ODAD3: variants seen among roughly 807,000 people sequenced by gnomAD.
ODAD3 encodes outer dynein arm docking complex subunit 3.
Under a neutral mutation model 70.9 loss-of-function variants are expected in ODAD3, and 57 were observed. That is an observed-to-expected ratio of 0.80 (90% CI 0.65 to 1.00). The LOEUF (loss-of-function observed/expected upper bound fraction) is 1.00, where lower values mean the gene tolerates loss of function less well. Ranked by LOEUF, ODAD3 falls within the 50% of genes least tolerant of loss-of-function variation. ODAD3 has a pLI of 0.00. For missense variants in ODAD3, 797 were observed against 763.9 expected (o/e 1.04, Z -0.51); for synonymous variants, 327 against 315.9 (o/e 1.04, Z -0.37).
In ODAD3 at chr19:11,426,956, G is replaced by A; in HGVS notation, c.529C>T (p.Arg177Trp). The A allele has an allele frequency of 5.0e-6, 8 of 1,608,592 alleles. No homozygotes were observed. The highest frequency in any genetic ancestry group is 6.8e-6 in the Non-Finnish European group (8 of 1,179,546). Residue 177 changes from arginine (R) to tryptophan (W), a missense_variant, in exon 4 of 13, where the codon CGG (arginine) becomes TGG (tryptophan). Transcript: ENST00000356392. ...LRHQVVLRQR[R>W]LEELQLQHSL... Reference sequence around the variant, plus strand: ...TGCTGCAGCTGGAGCTCCTCCAGCCGCCTCTGCCGCAACACCACCTGGTGC... The same window carrying A: ...TGCTGCAGCTGGAGCTCCTCCAGCCACCTCTGCCGCAACACCACCTGGTGC...
At chr19:11,421,910 T>G in intron 10 of ODAD3, 78 bp from the exon 11 acceptor site, 1 of 1,501,962 alleles carries the variant, frequency 6.7e-7, no homozygotes, top group Non-Finnish European at 8.9e-7. Flanking sequence ...GGGGCTTTTC[T>G]TTCGGGGGCG....
At chr19:11,430,360 A>G (rs967019582) in intron 3 of ODAD3, among the ~76,000 whole-genome samples, 5 of 149,984 alleles carry the variant, frequency 3.3e-5, no homozygotes, top group African/African-American at 9.8e-5. Flanking sequence ...TTGGTCTTGA[A>G]CTCCCGACTT....
chr19:11,425,215 GTATA>G (rs1167411713), intron 7 of ODAD3, among the ~76,000 whole-genome samples: 1 of 125,820 alleles, frequency 7.9e-6, no homozygotes, highest in Non-Finnish European at 1.6e-5. Flanking sequence ...GTACATATGT[GTATA>G]TATGTGTGTA....
In ODAD3 at chr19:11,426,585, G is replaced by T; in HGVS notation, c.715-14C>A. On this transcript the variant is annotated splice_polypyrimidine_tract_variant and intron_variant, in intron 5 of 12. Coordinates refer to ENST00000356392, the MANE Select transcript of ODAD3 (RefSeq NM_145045.5). ...GAGGCTCTCGTCCTGGGGCGTGGTG[G>T]GGAGGGGTAGCGGAGATGGTGCAGG... 6.2e-7 allele frequency: 1 copy of T among 1,614,006 alleles called. No homozygotes were observed. The highest frequency in any genetic ancestry group is 8.5e-7 in the Non-Finnish European group (1 of 1,179,960).
intron 7 of ODAD3, among the ~76,000 whole-genome samples, chr19:11,425,608 T>TATATGCATACATGCATATAC (rs1969344805): frequency 3.8e-5 from 5 of 132,544 alleles, no homozygotes; most frequent in African/African-American, 1.9e-4. Context: ...TATATGTGTG[T>TATATGCATACATGCATATAC]GTATATATGC....
chr19:11,424,681 A>G (rs62131151), intron 7 of ODAD3, among the ~76,000 whole-genome samples: 5 of 64,498 alleles, frequency 7.8e-5, no homozygotes, highest in East Asian at 4.8e-4. Context: ...ATGTGTATAT[A>G]TACCTATGTG....
rs1969342214 is a variant in ODAD3 at position 11,425,587 on chromosome 19, G to GCA, written c.963+556_963+557insTG. On this transcript the variant is annotated intron_variant, in intron 7 of 12. Transcript: ENST00000356392. ...TGTGTGTATGTATGTATATATGTAT[G>GCA]TATATGTGTATATATGTGTGTGTAT... 3.2e-5 allele frequency among the ~76,000 whole-genome samples: 4 copies of GCA among 125,492 alleles called. 1 individual carries two copies. The highest frequency in any genetic ancestry group is 1.3e-4 in the African/African-American group (3 of 22,824). The allele number at this position is 125,492 out of a possible 152,430, so 82.3% of individuals were successfully genotyped here. A position where few individuals can be genotyped will look rare whatever the true frequency, so the allele number is the denominator to read the frequency against.
chr19:11,431,015 C>G lies in ODAD3; in HGVS notation c.250G>C (p.Asp84His), dbSNP rs148235598. ...GAGCTCTCAAAAAAAGCCTTCCGGT[C>G]ACCCTCTGGCAGGCAGGTGAGGTGG... Reference protein sequence around the residue: ...LHKKIQLLEGDRKAFFESSQW... With the variant: ...LHKKIQLLEGHRKAFFESSQW... The change falls in exon 2 of 13, where the codon GAC becomes CAC. Residue 84 changes from aspartate to histidine, a missense_variant. Physicochemically the swap from Asp to His is moderately conservative, Grantham distance 81. Coordinates refer to ENST00000356392, the MANE Select transcript of ODAD3 (RefSeq NM_145045.5). The G allele has an allele frequency of 1.4e-5, 23 of 1,614,088 alleles. No individual in the cohort carries two copies. In the African/African-American group the frequency reaches 2.5e-4, roughly 18 times the overall value.
intron 7 of ODAD3, among the ~76,000 whole-genome samples, chr19:11,425,237 A>G (rs1312785833): frequency 2.2e-5 from 3 of 137,408 alleles, no homozygotes; most frequent in Admixed American, 1.4e-4. Context: ...GTATATGTAC[A>G]TATGTGTATA....
rs774347087 is a variant in ODAD3, at chr19:11,423,961, C to T, written c.1032G>A (p.Glu344=). Residue 344 remains glutamate (E), a synonymous_variant, in exon 8 of 13, where the codon GAG becomes GAA. Coordinates refer to ENST00000356392, the MANE Select transcript of ODAD3 (RefSeq NM_145045.5). ...ACATGCTCCAGCGCTGCCGCAGCTC[C>T]TCCTCCTTGGCATGCAGGCTGTCCT... ...TIQDSLHAKE[E]ELRQRWSMYQ... is the part of the protein sequence containing the mutation. 2.0e-5 allele frequency: 33 copies of T among 1,613,260 alleles called. No homozygotes were observed. In the African/African-American group the frequency reaches 2.9e-4, roughly 14 times the overall value.
chr19:11,426,492 A>T lies in ODAD3; in HGVS notation c.794T>A (p.Leu265Gln). Residue 265 changes from leucine to glutamine, a missense_variant, in exon 6 of 13, where the codon CTG becomes CAG. Transcript: ENST00000356392. ...VVRTKHELEALHVVNQEALNA... is the reference protein window; with the variant it reads ...VVRTKHELEAQHVVNQEALNA... ...GAGGGCCTCTTGGTTCACCACGTGC[A>T]GTGCCTCCAGCTCATGTTTGGTCCT... 2 of 1,614,086 alleles carry T rather than the reference A, an allele frequency of 1.2e-6. No homozygotes were observed. The highest frequency in any genetic ancestry group is 1.7e-6 in the Non-Finnish European group (2 of 1,179,972).
At chr19:11,425,056 T>TAC (rs1969262900) in intron 7 of ODAD3, among the ~76,000 whole-genome samples, 18 of 121,064 alleles carry the variant, frequency 1.5e-4, no homozygotes, top group East Asian at 7.3e-4. Flanking sequence ...TATATATGTG[T>TAC]ATATGTGTAT....
At chr19:11,425,330 T>TATGTGTATGTATGTAC (rs1969306173) in intron 7 of ODAD3, among the ~76,000 whole-genome samples, 2 of 128,832 alleles carry the variant, frequency 1.6e-5, no homozygotes, top group African/African-American at 6.9e-5. Context: ...TATATGTACA[T>TATGTGTATGTATGTAC]ATGTGTATAT....
chr19:11,426,708 T>C lies in ODAD3; in HGVS notation c.689A>G (p.Tyr230Cys). The change falls in exon 5 of 13, where the codon TAC (tyrosine) becomes TGC (cysteine). Residue 230 changes from tyrosine (Y) to cysteine (C), a missense_variant. Transcript: ENST00000356392. Reference sequence around the variant, plus strand: ...CATTAGATAGGCCTTGAGCTGCAGGTACACGCTGGTAATGTGCTCGGCCTC... The same window carrying C: ...CATTAGATAGGCCTTGAGCTGCAGGCACACGCTGGTAATGTGCTCGGCCTC... ...AQEAEHITSVYLQLKAYLMDE... is the reference protein window; with the variant it reads ...AQEAEHITSVCLQLKAYLMDE... The C allele has an allele frequency of 4.3e-6, 7 of 1,613,886 alleles. No individual in the cohort carries two copies. Among genetic ancestry groups the C allele is most frequent in the Non-Finnish European group, 5.1e-6 (6 of 1,179,882 alleles).
At chr19:11,426,102 G>C (rs765937895) in intron 7 of ODAD3, 42 bp downstream of exon 7, 1 of 1,590,354 alleles carries the variant, frequency 6.3e-7, no homozygotes, top group South Asian at 1.1e-5. Context: ...TTTGTGCTGG[G>C]CTGGGCTGGA....
chr19:11,423,647 G>T (rs1969193229), intron 8 of ODAD3, among the ~76,000 whole-genome samples: 1 of 152,136 alleles, frequency 6.6e-6, no homozygotes, highest in African/African-American at 2.4e-5. Flanking sequence ...TAGAAATGAC[G>T]GCGAGTGTAG....
At chr19:11,425,129 G>A (rs1013563693) in intron 7 of ODAD3, among the ~76,000 whole-genome samples, 16 of 122,846 alleles carry the variant, frequency 1.3e-4, no homozygotes, top group South Asian at 1.3e-3. Context: ...GTACATATGT[G>A]TATATGTGTA....
At chr19:11,425,957 G>A (rs193219026) in intron 7 of ODAD3, among the ~76,000 whole-genome samples, 187 bp downstream of exon 7, 167 of 151,242 alleles carry the variant, frequency 1.1e-3, no homozygotes, top group African/African-American at 3.9e-3. Context: ...TAGGAGGGGA[G>A]GGGAGGAGAG....
At chr19:11,434,212 C>CA (rs1157296691) in intron 1 of ODAD3, among the ~76,000 whole-genome samples, 13,413 of 85,876 alleles carry the variant, frequency 0.16, 1,110 homozygotes, top group African/African-American at 0.26. Flanking sequence ...GACCCTGTCT[C>CA]AAAAAACAAA....
Sources: allele counts gnomAD v4.1 joint callset (sites outside exome capture counted in the v4.1 genomes callset), GRCh38; gene constraint gnomAD v4.1.1; transcripts MANE v1.5; gene names NCBI Gene and HGNC (gene_info 2026-07-23, HGNC 2026-07-21).